Variants in LUC7L observed in about 807,000 individuals in gnomAD.
The protein encoded by LUC7L is LUC7 like.
LUC7L carries 29 observed loss-of-function variants against 51.1 expected under a neutral mutation model. The ratio of observed to expected loss-of-function variants is 0.57; its 90% CI spans 0.42 to 0.77. LUC7L has a LOEUF of 0.77. Ranked by LOEUF, LUC7L falls within the 30% of genes least tolerant of loss-of-function variation. The probability of loss-of-function intolerance (pLI) is 0.00; values close to 1 mark genes in which losing one functional copy is unlikely to be tolerated. For synonymous variants in LUC7L, 181 were observed against 180.7 expected, an observed-to-expected ratio of 1.00 and a Z score of -0.01; for missense variants, 403 against 511.9, an observed-to-expected ratio of 0.79 and a Z score of 2.05.
chr16:202,880 G>A (rs950470757), intron 5 of LUC7L, among the ~76,000 whole-genome samples: 1 of 152,224 alleles, frequency 6.6e-6, no homozygotes, highest in East Asian at 1.9e-4. Context: ...AGGAGCAGTG[G>A]CTCACGCCTG....
intron 5 of LUC7L, among the ~76,000 whole-genome samples, chr16:200,798 C>CT (rs1286941110): frequency 1.3e-5 from 2 of 151,198 alleles, no homozygotes; most frequent in African/African-American, 4.9e-5. Context: ...GAGAGGACTG[C>CT]TTGAGCCCAG....
intron 3 of LUC7L, among the ~76,000 whole-genome samples, chr16:215,262 C>T (rs2049758593): frequency 6.6e-6 from 1 of 151,616 alleles, no homozygotes; most frequent in African/African-American, 2.4e-5. Flanking sequence ...GTGAGGCGGG[C>T]AGATCACAAG....
intron 6 of LUC7L, among the ~76,000 whole-genome samples, chr16:198,657 A>C (rs2049230780): frequency 6.6e-6 from 1 of 152,098 alleles, no homozygotes; most frequent in African/African-American, 2.4e-5. Context: ...TTCACTATAA[A>C]ACTCAAGTTC....
intron 6 of LUC7L, 83 bp from the exon 7 acceptor site, chr16:193,098 G>A: frequency 1.9e-6 from 2 of 1,043,656 alleles, no homozygotes; most frequent in African/African-American, 1.6e-5. Context: ...ACCTTTATAT[G>A]AGCTCAGTAT....
In LUC7L at chr16:190,529, C is replaced by T. The variant is rs116319076; in HGVS notation, c.806+12G>A. On this transcript the variant is annotated intron_variant, in intron 8 of 9. Coordinates refer to ENST00000293872, the MANE Select transcript of LUC7L (RefSeq NM_201412.3). Reference sequence around the variant, plus strand: ...AAAATTTGAGAACATTTTAATGGACCTGGAAACCTACCTCCTGCGATCTCT... The same window carrying T: ...AAAATTTGAGAACATTTTAATGGACTTGGAAACCTACCTCCTGCGATCTCT... 2 of 1,613,718 alleles carry T rather than the reference C, an allele frequency of 1.2e-6. No individual in the cohort carries two copies. The highest frequency in any genetic ancestry group is 1.7e-6 in the Non-Finnish European group (2 of 1,179,834).
At chr16:203,110 C>G (rs150099835) in intron 5 of LUC7L, among the ~76,000 whole-genome samples, 4 of 152,050 alleles carry the variant, frequency 2.6e-5, no homozygotes, top group Non-Finnish European at 2.9e-5. Context: ...ATCGCACCAC[C>G]GCACTCCAGC....
chr16:226,361 T>C (rs899432523), intron 2 of LUC7L, among the ~76,000 whole-genome samples: 2 of 152,210 alleles, frequency 1.3e-5, no homozygotes, highest in Non-Finnish European at 2.9e-5. Context: ...GGGTGGTCTC[T>C]ACAGGACTCC....
At chr16:229,128 G>C in intron 1 of LUC7L, 151 bp downstream of exon 1, 1 of 1,405,584 alleles carries the variant, frequency 7.1e-7, no homozygotes, top group Non-Finnish European at 9.2e-7. Context: ...CTTAGACAAA[G>C]GCCCGGCGCC....
At chr16:201,242 T>C (rs201510942) in intron 5 of LUC7L, among the ~76,000 whole-genome samples, 6 of 78,520 alleles carry the variant, frequency 7.6e-5, no homozygotes, top group African/African-American at 3.0e-4. Flanking sequence ...GCTACATAAC[T>C]AAAAAAAAAA....
At chr16:216,124 C>G (rs966543927) in intron 3 of LUC7L, among the ~76,000 whole-genome samples, 1 of 152,086 alleles carries the variant, frequency 6.6e-6, no homozygotes, top group Non-Finnish European at 1.5e-5. Context: ...GCCTCAGCCT[C>G]CCGAGTAGCT....
chr16:192,771 A>G (rs7185345), intron 7 of LUC7L, among the ~76,000 whole-genome samples, 156 bp downstream of exon 7: 80,376 of 151,994 alleles, frequency 0.53, 21,682 homozygotes, highest in Non-Finnish European at 0.59. Context: ...CCAAACTGAC[A>G]GGATTACAGG....
rs565807206 is a variant in LUC7L, at chr16:202,460, C to A, written c.511-3222G>T. On this transcript the variant is annotated intron_variant, in intron 5 of 9. Transcript: ENST00000293872. Reference sequence around the variant, plus strand: ...AACCGTATCAAGTGTTATTTTTTATCTTTTATACTGTATTTTTACTGTACC... The same window carrying A: ...AACCGTATCAAGTGTTATTTTTTATATTTTATACTGTATTTTTACTGTACC... 7.2e-5 allele frequency among the ~76,000 whole-genome samples: 11 copies of A among 152,190 alleles called. No individual in the cohort carries two copies. The South Asian group carries it at 2.1e-3, about 29-fold the overall frequency.
At chr16:229,212 C>A in intron 1 of LUC7L, 67 bp downstream of exon 1, 1 of 1,508,868 alleles carries the variant, frequency 6.6e-7, no homozygotes, top group Admixed American at 2.1e-5. Context: ...GCCCCCGCCT[C>A]AGGCCGCCCG....
chr16:197,353 CAGG>C (rs1482694694), intron 6 of LUC7L, among the ~76,000 whole-genome samples: 2 of 151,702 alleles, frequency 1.3e-5, no homozygotes, highest in African/African-American at 4.8e-5. Context: ...GCCAGGATTA[CAGG>C]CGCCCGCTGC....
At chr16:227,584 G>A in intron 1 of LUC7L, 1 of 1,312,186 alleles carries the variant, frequency 7.6e-7, no homozygotes, top group Non-Finnish European at 9.8e-7. Flanking sequence ...AAGAAGTCAA[G>A]GAGTCAGACG....
At chr16:221,724 G>A (rs1402866616) in intron 2 of LUC7L, among the ~76,000 whole-genome samples, 2 of 152,084 alleles carry the variant, frequency 1.3e-5, no homozygotes, top group Non-Finnish European at 2.9e-5. Flanking sequence ...AAAAAAAAAG[G>A]AAAGGGCCAG....
intron 1 of LUC7L, chr16:228,050 G>A: frequency 3.5e-6 from 4 of 1,136,734 alleles, no homozygotes; most frequent in Admixed American, 4.3e-5. Context: ...AGTGTTAAAG[G>A]AAAAGTTTTC....
intron 3 of LUC7L, chr16:220,342 ACT>A (rs945021005): frequency 3.3e-5 from 7 of 212,982 alleles, no homozygotes; most frequent in Non-Finnish European, 5.5e-5. Flanking sequence ...AATTTTAAAG[ACT>A]CTACACTATG....
chr16:212,639 A>C (rs2049676230), intron 3 of LUC7L, among the ~76,000 whole-genome samples: 1 of 152,190 alleles, frequency 6.6e-6, no homozygotes, highest in Admixed American at 6.6e-5. Flanking sequence ...ACAGCTTTGA[A>C]ATGAGCCCAT....
Sources: allele counts gnomAD v4.1 joint callset (sites outside exome capture counted in the v4.1 genomes callset), GRCh38; gene constraint gnomAD v4.1.1; transcripts MANE v1.5; gene names NCBI Gene and HGNC (gene_info 2026-07-23, HGNC 2026-07-21).